The following CA5A variants were observed in gnomAD, a reference collection of about 807,000 sequenced individuals.
CA5A encodes the protein carbonic anhydrase 5A.
A neutral mutation model predicts 37.1 loss-of-function variants in CA5A; 28 were observed. That is an observed-to-expected ratio of 0.75 (90% CI 0.56 to 1.03). The LOEUF is 1.03. Among genes scored for constraint, CA5A ranks in the 50% least tolerant of loss-of-function variants. The probability of loss-of-function intolerance (pLI) is 0.00; values close to 1 mark genes in which losing one functional copy is unlikely to be tolerated. For missense variants in CA5A, 444 were observed against 399.9 expected (o/e 1.11, Z -0.94); for synonymous variants, 171 against 158.4 (o/e 1.08, Z -0.60).
intron 5 of CA5A, among the ~76,000 whole-genome samples, chr16:87,894,074 A>G (rs1034456880): frequency 6.6e-6 from 1 of 152,226 alleles, no homozygotes; most frequent in Non-Finnish European, 1.5e-5. Context: ...TTTTGGATAT[A>G]TACCCAGAAG....
At chr16:87,931,935 G>A (rs940661551) in intron 1 of CA5A, among the ~76,000 whole-genome samples, 19 of 150,856 alleles carry the variant, frequency 1.3e-4, no homozygotes, top group African/African-American at 4.6e-4. Flanking sequence ...TCCATTGACT[G>A]TTCTCTCCAA....
At chr16:87,916,992 T>G (rs4270180) in intron 2 of CA5A, among the ~76,000 whole-genome samples, 1 of 151,434 alleles carries the variant, frequency 6.6e-6, no homozygotes, top group Non-Finnish European at 1.5e-5. Context: ...GTAGTCCCAG[T>G]TACTCGGGAG....
chr16:87,915,986 G>T (rs968547874), intron 2 of CA5A, among the ~76,000 whole-genome samples: 2 of 151,860 alleles, frequency 1.3e-5, no homozygotes, highest in South Asian at 4.2e-4. Flanking sequence ...TCGCAATCAC[G>T]GCAGAAGGCG....
chr16:87,917,769 T>C (rs1027326713), intron 2 of CA5A, among the ~76,000 whole-genome samples: 16 of 97,398 alleles, frequency 1.6e-4, no homozygotes, highest in South Asian at 1.2e-3. Context: ...ACAGTGCACA[T>C]GTGCACACAT....
intron 2 of CA5A, among the ~76,000 whole-genome samples, chr16:87,916,829 A>G (rs1163684111): frequency 6.6e-6 from 1 of 151,778 alleles, no homozygotes; most frequent in Non-Finnish European, 1.5e-5. Flanking sequence ...TGGGCTGGGC[A>G]TGGTGGCTCA....
rs371108302 is a variant in CA5A, at chr16:87,895,556, C to T, written c.619-3602G>A. 4.8e-5 allele frequency among the ~76,000 whole-genome samples: 7 copies of T among 145,652 alleles called. No individual in the cohort carries two copies. The East Asian group carries it at 9.8e-4, about 20-fold the overall frequency. ...GTGAAACTCCATCTCAAAAAGAAAA[C>T]AAAAAACAAAAAACAAAAAAAGTAA... On this transcript the variant is annotated intron_variant, in intron 5 of 6. Coordinates refer to ENST00000649794, the MANE Select transcript of CA5A (RefSeq NM_001739.2).
At chr16:87,892,510 AAATAATAATAATAATAATAATAATAAT>A (rs371000298) in intron 5 of CA5A, among the ~76,000 whole-genome samples, 2 of 135,304 alleles carry the variant, frequency 1.5e-5, no homozygotes, top group African/African-American at 5.4e-5. Flanking sequence ...ACTCTGTCTC[AAATAATAATAATAATAATAATAATAAT>A]AATAATAATA....
At chr16:87,923,621 A>C in intron 2 of CA5A, 1 of 985,406 alleles carries the variant, frequency 1.0e-6, no homozygotes, top group Non-Finnish European at 1.2e-6. Context: ...CTGATGCTCC[A>C]CCAGCTGAGG....
chr16:87,894,952 C>T (rs1023002327), intron 5 of CA5A, among the ~76,000 whole-genome samples: 8 of 152,142 alleles, frequency 5.3e-5, no homozygotes, highest in Non-Finnish European at 1.0e-4. Flanking sequence ...ACTCTCCCAT[C>T]TAAAGTGTAC....
chr16:87,912,817 G>T (rs2056071548), intron 2 of CA5A, among the ~76,000 whole-genome samples: 1 of 152,228 alleles, frequency 6.6e-6, no homozygotes, highest in Admixed American at 6.5e-5. Context: ...GGCAGAAAGG[G>T]ACGACCAGCG....
intron 2 of CA5A, among the ~76,000 whole-genome samples, chr16:87,909,645 A>G (rs1375346650): frequency 2.0e-5 from 3 of 152,204 alleles, no homozygotes; most frequent in East Asian, 1.9e-4. Context: ...TGGATTCCAC[A>G]GGCTCCTCTT....
At chr16:87,920,336 A>G (rs1168411188) in intron 2 of CA5A, among the ~76,000 whole-genome samples, 5 of 152,148 alleles carry the variant, frequency 3.3e-5, no homozygotes, top group Non-Finnish European at 5.9e-5. Flanking sequence ...TTTTTGAGAC[A>G]ATGTCTCGCT....
intron 3 of CA5A, among the ~76,000 whole-genome samples, chr16:87,903,132 C>T (rs1480512762): frequency 6.6e-6 from 1 of 151,812 alleles, no homozygotes; most frequent in Non-Finnish European, 1.5e-5. Context: ...CAAGAATTAC[C>T]AGAAGAAACT....
At chr16:87,930,735 A>ATTTTTT (rs68126628) in intron 1 of CA5A, among the ~76,000 whole-genome samples, 1 of 134,498 alleles carries the variant, frequency 7.4e-6, no homozygotes. Context: ...CTTTGGATCT[A>ATTTTTT]TTTTTTTTTT....
At chr16:87,893,674 G>T in intron 5 of CA5A, 1 of 567,276 alleles carries the variant, frequency 1.8e-6, no homozygotes, top group South Asian at 1.4e-5. Flanking sequence ...GCTCGGGCTG[G>T]GTCAGCAACC....
downstream of CA5A, chr16:87,887,929 C>A (rs1362894477): frequency 5.8e-6 from 4 of 686,016 alleles, no homozygotes; most frequent in African/African-American, 5.4e-5. Context: ...CCATGGCACA[C>A]CCCTCCATCC....
chr16:87,891,678 CAAATG>C, intron 6 of CA5A, 116 bp downstream of exon 6: 1 of 928,318 alleles, frequency 1.1e-6, no homozygotes, highest in South Asian at 2.3e-5. Context: ...AAGAATGCCC[CAAATG>C]CATGAAAGAA....
In CA5A at chr16:87,936,232, C is replaced by T. The variant is rs929369772; in HGVS notation, c.142+77G>A. On this transcript the variant is annotated intron_variant, in intron 1 of 6. Transcript: ENST00000649794. ...ACCCATCTGGCTCGGGACGGTCTCTCCTCTCTCCTCTCGAAAGACCCCATC... is the reference window on the plus strand; with the variant it reads ...ACCCATCTGGCTCGGGACGGTCTCTTCTCTCTCCTCTCGAAAGACCCCATC... The T allele has an allele frequency of 5.8e-6, 6 of 1,034,806 alleles. No homozygotes were observed. In the African/African-American group the frequency reaches 9.6e-5, roughly 17 times the overall value. 64.1% of individuals were successfully genotyped at this position (1,034,806 alleles called of 1,614,324 possible). A position where few individuals can be genotyped will look rare whatever the true frequency, so the allele number is the denominator to read the frequency against.
intron 2 of CA5A, chr16:87,924,279 G>C: frequency 3.0e-6 from 3 of 985,462 alleles, no homozygotes; most frequent in Non-Finnish European, 3.6e-6. Context: ...TTGCAGTGGA[G>C]CCTGATGAAG....
Sources: gnomAD v4.1 joint callset for allele counts (sites outside exome capture counted in the v4.1 genomes callset) on GRCh38, gnomAD v4.1.1 for gene constraint, MANE v1.5 for transcripts, NCBI Gene and HGNC (gene_info 2026-07-23, HGNC 2026-07-21) for gene names.